The following SAMD8 variants were observed in gnomAD, a reference collection of about 807,000 sequenced individuals.
SAMD8 encodes the protein sphingomyelin synthase-related protein 1.
Under a neutral mutation model 42.0 loss-of-function variants are expected in SAMD8, and 20 were observed. The observed-to-expected ratio is 0.48, with a 90% CI of 0.34 to 0.69. The LOEUF is 0.69. SAMD8 is among the 30% of genes least tolerant of loss of function. The probability of loss-of-function intolerance (pLI) is 0.01; values close to 1 mark genes in which losing one functional copy is unlikely to be tolerated. For missense variants in SAMD8, 328 were observed against 511.6 expected (o/e 0.64, Z 3.46); for synonymous variants, 162 against 173.0 (o/e 0.94, Z 0.50).
At chr10:75,151,331 T>C (rs1840283291) in intron 2 of SAMD8, among the ~76,000 whole-genome samples, 1 of 152,160 alleles carries the variant, frequency 6.6e-6, no homozygotes, top group African/African-American at 2.4e-5. Context: ...AATTTTTCAA[T>C]TTAATTTAAT....
chr10:75,111,569 C>T, upstream of SAMD8: 1 of 1,249,618 alleles, frequency 8.0e-7, no homozygotes, highest in African/African-American at 1.5e-5. Context: ...GCAGTCGCCA[C>T]CGCCCCCGCC....
upstream of SAMD8, chr10:75,107,861 G>A: frequency 8.8e-7 from 1 of 1,134,812 alleles, no homozygotes; most frequent in South Asian, 1.6e-5. Context: ...ACAAGCATGA[G>A]CCACCACACA....
chr10:75,111,646 G>A (rs1848770679), upstream of SAMD8: 2 of 1,243,922 alleles, frequency 1.6e-6, no homozygotes, highest in Admixed American at 8.4e-5. Flanking sequence ...GGCGAGGCGG[G>A]GAGGGCCCCG....
intron 4 of SAMD8, 198 bp from the exon 5 acceptor site, chr10:75,175,868 A>G (rs1840980032): frequency 2.0e-6 from 2 of 985,226 alleles, no homozygotes; most frequent in Non-Finnish European, 2.4e-6. Flanking sequence ...TTAATTACCA[A>G]AATATTTCTG....
chr10:75,146,358 C>T (rs1049490782), intron 1 of SAMD8, among the ~76,000 whole-genome samples: 2 of 145,762 alleles, frequency 1.4e-5, no homozygotes, highest in African/African-American at 5.1e-5. Context: ...GATCTCAACT[C>T]ACCGCAACCT....
upstream of SAMD8, chr10:75,111,643 CG>C (rs1311052190): frequency 8.0e-7 from 1 of 1,244,988 alleles, no homozygotes; most frequent in Non-Finnish European, 1.0e-6. Context: ...TCCGGCGAGG[CG>C]GGGAGGGCCC....
At chr10:75,110,068 C>T (rs550061592), upstream of SAMD8, among the ~76,000 whole-genome samples, 38 of 152,316 alleles carry the variant, frequency 2.5e-4, no homozygotes, top group Non-Finnish European at 4.1e-4. Context: ...CAGCCTGCCT[C>T]GGCCTCCCAA....
chr10:75,119,951 C>T (rs1480840730), intron 1 of SAMD8, among the ~76,000 whole-genome samples: 2 of 152,058 alleles, frequency 1.3e-5, no homozygotes, highest in African/African-American at 4.8e-5. Flanking sequence ...ATCTGTAATC[C>T]CAGCTACTCG....
chr10:75,116,947 T>C (rs1252846610), intron 1 of SAMD8, among the ~76,000 whole-genome samples: 1 of 151,992 alleles, frequency 6.6e-6, no homozygotes, highest in Non-Finnish European at 1.5e-5. Context: ...GTAGCTGGGA[T>C]TACAGGCGCG....
chr10:75,176,274 T>C lies in SAMD8; in HGVS notation c.943+58T>C. The C allele has an allele frequency of 6.2e-7, 1 of 1,613,296 alleles. No homozygotes were observed. The highest frequency in any genetic ancestry group is 8.5e-7 in the Non-Finnish European group (1 of 1,179,460). Reference sequence around the variant, plus strand: ...AGGTAACTAGCTGCAGTGAAGGCTGTGGGAAGGGTGTCAGATCCTGTGAAG... The same window carrying C: ...AGGTAACTAGCTGCAGTGAAGGCTGCGGGAAGGGTGTCAGATCCTGTGAAG... On this transcript the variant is annotated intron_variant, in intron 5 of 5. Coordinates refer to ENST00000542569, the MANE Select transcript of SAMD8 (RefSeq NM_001174156.2). This position sits in a 1 kb window ranked among gnomAD's most constrained non-coding sequence, Gnocchi z 4.3.
chr10:75,114,177 A>G (rs2134414014), intron 1 of SAMD8, among the ~76,000 whole-genome samples: 1 of 152,148 alleles, frequency 6.6e-6, no homozygotes, highest in East Asian at 1.9e-4. Context: ...CTCTACTAAT[A>G]CTATAAAAAG....
intron 4 of SAMD8, among the ~76,000 whole-genome samples, chr10:75,170,472 A>G (rs2132211015): frequency 6.6e-6 from 1 of 152,292 alleles, no homozygotes; most frequent in East Asian, 1.9e-4. Context: ...GACCAGTAAG[A>G]AAGGGGGAAG....
At chr10:75,144,117 G>T (rs899255593) in intron 1 of SAMD8, among the ~76,000 whole-genome samples, 3 of 151,784 alleles carry the variant, frequency 2.0e-5, no homozygotes, top group African/African-American at 7.3e-5. Flanking sequence ...ACAGGCACCC[G>T]CCACCATGCC....
At chr10:75,107,192 G>A (rs1848569477), upstream of SAMD8, among the ~76,000 whole-genome samples, 2 of 152,148 alleles carry the variant, frequency 1.3e-5, no homozygotes, top group African/African-American at 2.4e-5. Context: ...AAAATTAGCC[G>A]GGTATGGTGG....
At chr10:75,111,346 C>T, upstream of SAMD8, 1 of 446,474 alleles carries the variant, frequency 2.2e-6, no homozygotes, top group East Asian at 3.8e-5. Flanking sequence ...TGGCCTCCGG[C>T]ATGACGCATG....
intron 1 of SAMD8, among the ~76,000 whole-genome samples, chr10:75,106,280 G>A (rs552973173): frequency 4.0e-5 from 6 of 151,860 alleles, no homozygotes; most frequent in African/African-American, 1.2e-4. Flanking sequence ...GGCCCCTGTC[G>A]CCTCATCTCA....
intron 1 of SAMD8, among the ~76,000 whole-genome samples, chr10:75,122,766 A>C (rs1388924114): frequency 2.0e-5 from 3 of 152,198 alleles, no homozygotes; most frequent in South Asian, 2.1e-4. Flanking sequence ...CCCCTTCCCC[A>C]AAAAATCCTC....
chr10:75,118,870 C>T (rs750929350), intron 1 of SAMD8, among the ~76,000 whole-genome samples: 1 of 152,104 alleles, frequency 6.6e-6, no homozygotes, highest in Non-Finnish European at 1.5e-5. Flanking sequence ...TTTTTGCTTT[C>T]ATAAGAATTG....
chr10:75,177,738 C>T lies in SAMD8; in HGVS notation c.*1046C>T, dbSNP rs546206722. On this transcript the variant is annotated 3_prime_UTR_variant, in exon 6 of 6. Transcript: ENST00000542569. ...GACATACTTGGATATGAAAAAGTTT[C>T]GTTGTTTTTTACTTTTAAATATAAT... 2 of 152,236 alleles carry T rather than the reference C, an allele frequency of 1.3e-5. No individual in the cohort carries two copies. Among genetic ancestry groups the T allele is most frequent in the African/African-American group, 4.8e-5 (2 of 41,554 alleles). 9.4% of individuals were successfully genotyped at this position (152,236 alleles called of 1,614,324 possible).
Sources: allele counts gnomAD v4.1 joint callset (sites outside exome capture counted in the v4.1 genomes callset), GRCh38; gene constraint gnomAD v4.1.1; non-coding constraint Gnocchi (gnomAD v3.1); transcripts MANE v1.5; gene names NCBI Gene and HGNC (gene_info 2026-07-23, HGNC 2026-07-21).